LDB2: variants seen among roughly 807,000 people sequenced by gnomAD.
LDB2 encodes the protein LIM domain binding 2.
A neutral mutation model predicts 44.3 loss-of-function variants in LDB2; 12 were observed. The ratio of observed to expected loss-of-function variants is 0.27; its 90% CI spans 0.17 to 0.44. The LOEUF is 0.44. Among genes scored for constraint, LDB2 ranks in the 20% least tolerant of loss-of-function variants. LDB2 has a pLI of 1.00. For missense variants in LDB2, 344 were observed against 473.5 expected, an observed-to-expected ratio of 0.73 and a Z score of 2.54; for synonymous variants, 164 against 174.8, an observed-to-expected ratio of 0.94 and a Z score of 0.49.
chr4:16,709,769 G>T (rs2152656641), intron 2 of LDB2, among the ~76,000 whole-genome samples: 1 of 152,262 alleles, frequency 6.6e-6, no homozygotes, highest in South Asian at 2.1e-4. Flanking sequence ...TGAAATATCA[G>T]AGGATCTTGA....
At chr4:16,703,439 A>G (rs775658010) in intron 2 of LDB2, among the ~76,000 whole-genome samples, 8 of 152,206 alleles carry the variant, frequency 5.3e-5, no homozygotes, top group Non-Finnish European at 7.3e-5. Context: ...ACATGCCAAT[A>G]AGGTCATTGT....
chr4:16,699,593 T>C (rs1039355516), intron 2 of LDB2, among the ~76,000 whole-genome samples: 31 of 152,264 alleles, frequency 2.0e-4, no homozygotes, highest in African/African-American at 7.5e-4. Flanking sequence ...TGGAGAAGTA[T>C]ATAGAGTATT....
intron 5 of LDB2, among the ~76,000 whole-genome samples, chr4:16,522,276 T>TTGTGTG (rs139556977): frequency 6.7e-6 from 1 of 150,234 alleles, no homozygotes; most frequent in Non-Finnish European, 1.5e-5. Context: ...GTGTGTGTGT[T>TTGTGTG]TGTGTGTGTG....
At chr4:16,813,636 C>T (rs1438517805) in intron 1 of LDB2, among the ~76,000 whole-genome samples, 2 of 152,056 alleles carry the variant, frequency 1.3e-5, no homozygotes, top group African/African-American at 4.8e-5. Context: ...TACAGTCCCC[C>T]CAACTGTCTG....
intron 1 of LDB2, among the ~76,000 whole-genome samples, chr4:16,801,590 T>A (rs532530048): frequency 2.0e-5 from 3 of 152,206 alleles, no homozygotes; most frequent in African/African-American, 7.2e-5. Context: ...ACTGATTCAC[T>A]ATCATCCAAT....
intron 2 of LDB2, among the ~76,000 whole-genome samples, chr4:16,733,502 GCTGCTGACATAGCA>G (rs1224327106): frequency 2.0e-5 from 3 of 152,138 alleles, no homozygotes; most frequent in Non-Finnish European, 1.5e-5. Context: ...TCAGGATCTG[GCTGCTGACATAGCA>G]GGCAAGGGAC....
intron 7 of LDB2, among the ~76,000 whole-genome samples, chr4:16,507,421 TGAAAGACACACTTG>T (rs1004206477): frequency 6.6e-6 from 1 of 151,666 alleles, no homozygotes; most frequent in African/African-American, 2.4e-5. Context: ...GGGGCAGATG[TGAAAGACACACTTG>T]GAAGTAAGTG....
At chr4:16,592,505 T>TATATATATATACACAC (rs757702164) in intron 3 of LDB2, among the ~76,000 whole-genome samples, 12 of 108,048 alleles carry the variant, frequency 1.1e-4, no homozygotes, top group African/African-American at 3.8e-4. Flanking sequence ...TATATATATA[T>TATATATATATACACAC]ACACACACAC....
intron 1 of LDB2, among the ~76,000 whole-genome samples, chr4:16,775,644 C>T (rs577228998): frequency 6.6e-6 from 1 of 152,236 alleles, no homozygotes; most frequent in East Asian, 1.9e-4. Flanking sequence ...TTAGCCGGGT[C>T]CTGACACACA....
intron 5 of LDB2, among the ~76,000 whole-genome samples, chr4:16,539,722 A>C (rs756013598): frequency 6.6e-6 from 1 of 152,104 alleles, no homozygotes; most frequent in South Asian, 2.1e-4. Flanking sequence ...CTCCACTGCT[A>C]TTTCTCTTAT....
chr4:16,634,016 C>T (rs1273991080), intron 2 of LDB2, among the ~76,000 whole-genome samples: 2 of 152,044 alleles, frequency 1.3e-5, no homozygotes, highest in Admixed American at 1.3e-4. Flanking sequence ...ATGGGGAAAA[C>T]ATGCTCTATT....
intron 1 of LDB2, among the ~76,000 whole-genome samples, chr4:16,771,904 T>C (rs1055692604): frequency 1.3e-5 from 2 of 152,324 alleles, no homozygotes; most frequent in East Asian, 3.9e-4. Flanking sequence ...ATTGTGACCC[T>C]CCCAGCTAAA....
At chr4:16,523,197 A>G (rs974799455) in intron 5 of LDB2, among the ~76,000 whole-genome samples, 7 of 152,212 alleles carry the variant, frequency 4.6e-5, no homozygotes, top group African/African-American at 1.4e-4. Context: ...CCCAAAATCC[A>G]TAGTTTCCAC....
intron 5 of LDB2, among the ~76,000 whole-genome samples, chr4:16,521,833 G>A (rs1296016265): frequency 6.6e-6 from 1 of 152,138 alleles, no homozygotes; most frequent in African/African-American, 2.4e-5. Context: ...AAATTATGAG[G>A]TGTGGGTTTT....
chr4:16,726,031 T>C (rs1759379001), intron 2 of LDB2, among the ~76,000 whole-genome samples: 1 of 150,760 alleles, frequency 6.6e-6, no homozygotes, highest in East Asian at 1.9e-4. Flanking sequence ...AACCACTGAA[T>C]TGTTTAACGT....
intron 2 of LDB2, among the ~76,000 whole-genome samples, chr4:16,621,807 C>T (rs772311394): frequency 2.6e-5 from 4 of 152,170 alleles, no homozygotes; most frequent in African/African-American, 9.7e-5. Context: ...AATCTTTCCA[C>T]CTCAGCCTCC....
At chr4:16,561,321 A>G (rs1438313498) in intron 5 of LDB2, among the ~76,000 whole-genome samples, 2 of 152,174 alleles carry the variant, frequency 1.3e-5, no homozygotes, top group African/African-American at 2.4e-5. Flanking sequence ...AGAAAACCCC[A>G]TCGTCTCAGC....
intron 1 of LDB2, among the ~76,000 whole-genome samples, chr4:16,875,361 T>C (rs1718052910): frequency 6.6e-6 from 1 of 152,138 alleles, no homozygotes; most frequent in African/African-American, 2.4e-5. Flanking sequence ...AAGATTACCA[T>C]GCTACTGGAT....
intron 1 of LDB2, among the ~76,000 whole-genome samples, chr4:16,875,679 G>T (rs1271488977): frequency 6.6e-6 from 1 of 152,142 alleles, no homozygotes. Context: ...CAATGACTCA[G>T]AGCCCTCCAC....
Sources: allele counts gnomAD v4.1 joint callset (sites outside exome capture counted in the v4.1 genomes callset), GRCh38; gene constraint gnomAD v4.1.1; transcripts MANE v1.5; gene names NCBI Gene and HGNC (gene_info 2026-07-23, HGNC 2026-07-21).